Variants in NAT10 observed in about 807,000 individuals in gnomAD.
NAT10 encodes the protein RNA cytidine acetyltransferase.
In NAT10, 109 loss-of-function variants were observed where a neutral mutation model predicts 132.2. That is an observed-to-expected ratio of 0.82 (90% CI 0.71 to 0.97). The LOEUF is 0.97. Ranked by LOEUF, NAT10 falls within the 50% of genes least tolerant of loss-of-function variation. The pLI is 0.00. For missense variants in NAT10, 1,184 were observed against 1,263.4 expected (o/e 0.94, Z 0.95); for synonymous variants, 479 against 478.0 (o/e 1.00, Z -0.03).
chr11:34,120,316 T>C (rs1851870476), intron 8 of NAT10, among the ~76,000 whole-genome samples: 1 of 152,184 alleles, frequency 6.6e-6, no homozygotes, highest in Admixed American at 6.5e-5. Flanking sequence ...TTCTATAATA[T>C]AAAACAAAAT....
chr11:34,132,220 A>C lies in NAT10; in HGVS notation c.1616A>C (p.Lys539Thr), dbSNP rs766037793. The C allele has an allele frequency of 6.2e-7, 1 of 1,611,176 alleles. No individual in the cohort carries two copies. Among genetic ancestry groups the C allele is most frequent in the Admixed American group, 1.7e-5 (1 of 60,016 alleles). ...LMALYVASHY[K>T]NSPNDLQMLS... ...GCCCTCTACGTGGCTTCTCACTACAAGGTAACTGCAGCTAGCCCTTGTGTG... is the reference window on the plus strand; with the variant it reads ...GCCCTCTACGTGGCTTCTCACTACACGGTAACTGCAGCTAGCCCTTGTGTG... The change falls in exon 15 of 29, where the codon AAG becomes ACG. Residue 539 changes from lysine (K) to threonine (T), a missense_variant and splice_region_variant. By Grantham distance (78) the Lys-to-Thr change is moderately conservative. Coordinates refer to ENST00000257829, the MANE Select transcript of NAT10 (RefSeq NM_024662.3).
chr11:34,143,501 C>T lies in NAT10; in HGVS notation c.2942C>T (p.Pro981Leu), dbSNP rs183448235. 4.3e-6 allele frequency: 7 copies of T among 1,614,066 alleles called. 1 individual carries two copies. Among genetic ancestry groups the T allele is most frequent in the East Asian group, 4.5e-5 (2 of 44,888 alleles). ...AATGAAGTTTTGAACAAAGCTGGGCCGAACGCCTCGATCATCAGCCTGAAA... is the reference window on the plus strand; with the variant it reads ...AATGAAGTTTTGAACAAAGCTGGGCTGAACGCCTCGATCATCAGCCTGAAA... Reference protein sequence around the residue: ...EWNEVLNKAGPNASIISLKSD... With the variant: ...EWNEVLNKAGLNASIISLKSD... Residue 981 changes from proline (P) to leucine (L), a missense_variant, in exon 28 of 29, where the codon CCG becomes CTG. Coordinates refer to ENST00000257829, the MANE Select transcript of NAT10 (RefSeq NM_024662.3).
At chr11:34,112,561 C>CT (rs1347758566) in intron 4 of NAT10, among the ~76,000 whole-genome samples, 1 of 152,150 alleles carries the variant, frequency 6.6e-6, no homozygotes, top group African/African-American at 2.4e-5. Flanking sequence ...TCACCAAAGA[C>CT]TTTTTTTGTC....
chr11:34,139,932 G>A (rs1345175285), intron 23 of NAT10, among the ~76,000 whole-genome samples: 3 of 152,262 alleles, frequency 2.0e-5, no homozygotes, highest in African/African-American at 7.2e-5. Flanking sequence ...TAAGAGATTA[G>A]TTTTATTGCA....
In NAT10 at chr11:34,146,858, G is replaced by A. The variant is rs527665675; in HGVS notation, c.*666G>A. 1.3e-5 allele frequency: 2 copies of A among 152,414 alleles called. No homozygotes were observed. The highest frequency in any genetic ancestry group is 4.8e-5 in the African/African-American group (2 of 41,588). 9.4% of individuals were successfully genotyped at this position (152,414 alleles called of 1,614,324 possible). ...GGGAAAGGCCACTTTGCTCGCAGGG[G>A]TGAGGGGAAGGATAGAGAATCTATT... On this transcript the variant is annotated 3_prime_UTR_variant, in exon 29 of 29. Transcript: ENST00000257829.
rs1173935817 is a variant in NAT10, at chr11:34,108,230, A to T, written c.5A>T (p.His2Leu). 2.5e-6 allele frequency: 4 copies of T among 1,613,146 alleles called. No homozygotes were observed. Among genetic ancestry groups the T allele is most frequent in the Non-Finnish European group, 3.4e-6 (4 of 1,179,116 alleles). Residue 2 changes from histidine to leucine, a missense_variant, in exon 2 of 29, where the codon CAT becomes CTT. By Grantham distance (99) the His-to-Leu change is moderately conservative (BLOSUM62 -3). Coordinates refer to ENST00000257829, the MANE Select transcript of NAT10 (RefSeq NM_024662.3). ...TTTTAGTAATAATTTTTCACCATGC[A>T]TCGGAAAAAGGTGGATAACCGAATC... M[H>L]RKKVDNRIRI...
At chr11:34,125,938 A>AC (rs1241327608) in intron 11 of NAT10, among the ~76,000 whole-genome samples, 1 of 152,322 alleles carries the variant, frequency 6.6e-6, no homozygotes, top group East Asian at 1.9e-4. Context: ...CCGAGATCAC[A>AC]CCACTGCACT....
chr11:34,124,298 C>T lies in NAT10; in HGVS notation c.1009-4C>T. The T allele has an allele frequency of 6.2e-7, 1 of 1,601,690 alleles. No homozygotes were observed. The highest frequency in any genetic ancestry group is 8.5e-7 in the Non-Finnish European group (1 of 1,171,860). ...AGTTTGTCATTGGTTTGACTCCCCACCAGGAACATCTGGATTATGAGATTA... is the reference window on the plus strand; with the variant it reads ...AGTTTGTCATTGGTTTGACTCCCCATCAGGAACATCTGGATTATGAGATTA... On this transcript the variant is annotated splice_polypyrimidine_tract_variant and splice_region_variant and intron_variant, in intron 10 of 28. Coordinates refer to ENST00000257829, the MANE Select transcript of NAT10 (RefSeq NM_024662.3).
chr11:34,137,055 T>G, intron 21 of NAT10, 29 bp downstream of exon 21: 1 of 1,613,432 alleles, frequency 6.2e-7, no homozygotes. Flanking sequence ...AGAGGAGAAG[T>G]TTAGGTTTAC....
At chr11:34,106,525 G>A (rs1851597546) in intron 1 of NAT10, among the ~76,000 whole-genome samples, 1 of 151,968 alleles carries the variant, frequency 6.6e-6, no homozygotes, top group Non-Finnish European at 1.5e-5. Flanking sequence ...CAAGGGCCTT[G>A]TGGTACTACT....
At chr11:34,142,589 G>T (rs1223691095) in intron 27 of NAT10, among the ~76,000 whole-genome samples, 1 of 152,180 alleles carries the variant, frequency 6.6e-6, no homozygotes, top group Non-Finnish European at 1.5e-5. Context: ...GATCCCCAAG[G>T]CTCCAGGTCA....
At chr11:34,124,925 T>G (rs1231756609) in intron 11 of NAT10, among the ~76,000 whole-genome samples, 1 of 152,232 alleles carries the variant, frequency 6.6e-6, no homozygotes, top group Non-Finnish European at 1.5e-5. Context: ...GGCTGCAGTT[T>G]TGCTAAATCT....
intron 8 of NAT10, among the ~76,000 whole-genome samples, chr11:34,119,451 C>G (rs1851846751): frequency 6.6e-6 from 1 of 152,254 alleles, no homozygotes; most frequent in Admixed American, 6.5e-5. Flanking sequence ...GCAGCTCCAG[C>G]TGCAGGCCCT....
Position 34,108,760 on chromosome 11 carries a change from A to C in NAT10, c.127A>C (p.Met43Leu). The C allele has an allele frequency of 6.2e-7, 1 of 1,613,202 alleles. No individual in the cohort carries two copies. The highest frequency in any genetic ancestry group is 1.1e-5 in the South Asian group (1 of 90,838). ...GKDQVVILHH[M>L]LSKATVKARP... The stretch of plus-strand genomic sequence containing the variant: ...TTGGCAGGTGGTAATACTTCATCAC[A>C]TGTTATCCAAAGCAACTGTGAAGGC... The change falls in exon 3 of 29, where the codon ATG becomes CTG. Residue 43 changes from methionine (M) to leucine (L), a missense_variant. Transcript: ENST00000257829.
rs567212123 is a variant in NAT10 at position 34,142,606 on chromosome 11, G to T, written c.2885+258G>T. Among the ~76,000 whole-genome samples, 4 of 152,264 alleles carry T rather than the reference G, an allele frequency of 2.6e-5. No homozygotes were observed. In the South Asian group the frequency reaches 8.3e-4, roughly 32 times the overall value. On this transcript the variant is annotated intron_variant, in intron 27 of 28. Coordinates refer to ENST00000257829, the MANE Select transcript of NAT10 (RefSeq NM_024662.3). ...TCCCCAAGGCTCCAGGTCACACCTCGGGTCCTTCCAGGAGTGGGGGTGCCG... is the reference window on the plus strand; with the variant it reads ...TCCCCAAGGCTCCAGGTCACACCTCTGGTCCTTCCAGGAGTGGGGGTGCCG...
At chr11:34,143,838 C>A (rs1276026573) in intron 28 of NAT10, among the ~76,000 whole-genome samples, 1 of 152,200 alleles carries the variant, frequency 6.6e-6, no homozygotes, top group African/African-American at 2.4e-5. Context: ...TGCTTATGGG[C>A]TTTCATCATT....
chr11:34,138,128 G>A (rs1359741256), intron 21 of NAT10, among the ~76,000 whole-genome samples: 1 of 152,226 alleles, frequency 6.6e-6, no homozygotes, highest in African/African-American at 2.4e-5. Flanking sequence ...GTTCGATCCT[G>A]CAATTAGTGG....
At position 34,113,849 on chromosome 11, in the gene NAT10, G is replaced by GT; in HGVS notation, c.495+17dup. 1 of 1,610,006 alleles carries GT rather than the reference G, an allele frequency of 6.2e-7. No homozygotes were observed. Among genetic ancestry groups the GT allele is most frequent in the East Asian group, 2.2e-5 (1 of 44,816 alleles). ...TACACAGTGACTATGGTAAGCATCT[G>GT]TTTTTTAACTTAATTGTGAGGGTTC... On this transcript the variant is annotated intron_variant, in intron 5 of 28. Coordinates refer to ENST00000257829, the MANE Select transcript of NAT10 (RefSeq NM_024662.3).
At chr11:34,125,083 A>G (rs1334466002) in intron 11 of NAT10, among the ~76,000 whole-genome samples, 1 of 152,240 alleles carries the variant, frequency 6.6e-6, no homozygotes, top group Non-Finnish European at 1.5e-5. Flanking sequence ...TATGCCTGTC[A>G]AAGCATATGT....
Sources: allele counts gnomAD v4.1 joint callset (sites outside exome capture counted in the v4.1 genomes callset), GRCh38; gene constraint gnomAD v4.1.1; transcripts MANE v1.5; gene names NCBI Gene and HGNC (gene_info 2026-07-23, HGNC 2026-07-21).